PCDH15: variants seen among roughly 807,000 people sequenced by gnomAD.
PCDH15 encodes the protein protocadherin related 15.
Under a neutral mutation model 178.5 loss-of-function variants are expected in PCDH15, and 129 were observed. The observed-to-expected ratio is 0.72, with a 90% CI of 0.63 to 0.84. The LOEUF (loss-of-function observed/expected upper bound fraction) is 0.84, where lower values mean the gene tolerates loss of function less well. PCDH15 is among the 40% of genes least tolerant of loss of function. PCDH15 has a pLI of 0.00. For synonymous variants in PCDH15, 800 were observed against 732.0 expected (o/e 1.09, Z -1.50); for missense variants, 2,230 against 2,099.9 (o/e 1.06, Z -1.21).
At chr10:54,194,550 T>G (rs1295252659) in intron 11 of PCDH15, among the ~76,000 whole-genome samples, 4 of 152,026 alleles carry the variant, frequency 2.6e-5, no homozygotes, top group Non-Finnish European at 4.4e-5. Context: ...CCAACTATCT[T>G]TTACATATAG....
intron 13 of PCDH15, among the ~76,000 whole-genome samples, chr10:54,179,327 C>A (rs1447204632): frequency 6.7e-6 from 1 of 149,944 alleles, no homozygotes. Flanking sequence ...GGACAAAAAA[C>A]CAAACACCGC....
intron 3 of PCDH15, among the ~76,000 whole-genome samples, chr10:54,503,793 C>T (rs1020874921): frequency 6.6e-6 from 1 of 152,052 alleles, no homozygotes; most frequent in African/African-American, 2.4e-5. Context: ...TTAGATTGTT[C>T]TTTCAACACT....
At chr10:53,918,513 C>T (rs371746922) in intron 25 of PCDH15, among the ~76,000 whole-genome samples, 5 of 152,208 alleles carry the variant, frequency 3.3e-5, no homozygotes, top group South Asian at 4.2e-4. Flanking sequence ...TAAAACGATA[C>T]GTCTATTTCA....
chr10:54,726,221 C>G (rs1485495079), intron 1 of PCDH15, among the ~76,000 whole-genome samples: 2 of 151,150 alleles, frequency 1.3e-5, no homozygotes, highest in Non-Finnish European at 3.0e-5. Context: ...AGTATGATCT[C>G]AAATATACTT....
In PCDH15 at chr10:54,329,682, G is replaced by T. The variant is rs776708410; in HGVS notation, c.619C>A (p.Pro207Thr). The T allele has an allele frequency of 1.2e-6, 2 of 1,603,304 alleles. No homozygotes were observed. The highest frequency in any genetic ancestry group is 1.1e-5 in the South Asian group (1 of 90,872). ...DPTSNDTFEI[P>T]LMLTGNIVLR... Reference sequence around the variant, plus strand: ...ACTATATTTCCAGTCAACATTAGGGGAATTTCAAAGGTGTCATTGGATGTC... The same window carrying T: ...ACTATATTTCCAGTCAACATTAGGGTAATTTCAAAGGTGTCATTGGATGTC... The change falls in exon 7 of 38, where the codon CCC (proline) becomes ACC (threonine). Residue 207 changes from proline to threonine, a missense_variant. Coordinates refer to ENST00000644397, the MANE Select transcript of PCDH15 (RefSeq NM_001384140.1).
At chr10:54,970,389 A>G (rs1838902077) in intron 2 of PCDH15, among the ~76,000 whole-genome samples, 2 of 152,208 alleles carry the variant, frequency 1.3e-5, no homozygotes, top group Non-Finnish European at 2.9e-5. Flanking sequence ...AGGTTGAACC[A>G]TAAAGTGCTA....
At chr10:54,653,644 G>A (rs11004434) in intron 2 of PCDH15, among the ~76,000 whole-genome samples, 26,079 of 152,080 alleles carry the variant, frequency 0.17, 2,461 homozygotes, top group African/African-American at 0.25. Context: ...AACCTTGTGC[G>A]ATTGGGGTCA....
At chr10:55,367,140 T>A (rs2131985121) in intron 2 of PCDH15, among the ~76,000 whole-genome samples, 1 of 152,186 alleles carries the variant, frequency 6.6e-6, no homozygotes, top group Non-Finnish European at 1.5e-5. Context: ...TCCTTCCCTC[T>A]CCCATATTTT....
chr10:54,684,717 G>A (rs1477304921), intron 1 of PCDH15, among the ~76,000 whole-genome samples: 1 of 152,008 alleles, frequency 6.6e-6, no homozygotes, highest in Non-Finnish European at 1.5e-5. Context: ...ATTTAAATCA[G>A]ATTTTCAAAG....
At chr10:54,907,877 A>G (rs1284773184) in intron 2 of PCDH15, among the ~76,000 whole-genome samples, 1 of 152,200 alleles carries the variant, frequency 6.6e-6, no homozygotes, top group African/African-American at 2.4e-5. Context: ...TCTCAATAAA[A>G]GACTGGACAA....
chr10:54,911,893 C>T (rs1954825188), intron 2 of PCDH15, among the ~76,000 whole-genome samples: 1 of 152,160 alleles, frequency 6.6e-6, no homozygotes. Context: ...TCAATTAAAC[C>T]TCTTTTCTTC....
intron 3 of PCDH15, among the ~76,000 whole-genome samples, chr10:54,861,297 G>A (rs1043119552): frequency 1.3e-5 from 2 of 152,054 alleles, no homozygotes; most frequent in African/African-American, 4.8e-5. Context: ...CATTACATCT[G>A]ATCCCCAGAA....
chr10:55,400,703 C>CT (rs963006591), intron 2 of PCDH15, among the ~76,000 whole-genome samples: 3 of 151,984 alleles, frequency 2.0e-5, no homozygotes, highest in Non-Finnish European at 2.9e-5. Flanking sequence ...ATTTAGTACC[C>CT]TTTTTTAATT....
rs149334956 is a variant in PCDH15, at chr10:53,895,095, G to A, written c.3501+8148C>T. On this transcript the variant is annotated intron_variant, in intron 26 of 37. Coordinates refer to ENST00000644397, the MANE Select transcript of PCDH15 (RefSeq NM_001384140.1). ...TACATTAAAAATTCAGAAATGTGCT[G>A]GAGATGTTTTACCTAAGACCCAGGT... 4.4e-3 allele frequency among the ~76,000 whole-genome samples: 673 copies of A among 152,232 alleles called. 4 individuals are homozygous for A. The highest frequency in any genetic ancestry group is 0.016 in the African/African-American group (646 of 41,540).
intron 2 of PCDH15, among the ~76,000 whole-genome samples, chr10:54,548,133 CCATAT>C (rs2086087101): frequency 6.9e-6 from 1 of 145,966 alleles, no homozygotes; most frequent in African/African-American, 2.5e-5. Context: ...CAAAAAAAAC[CCATAT>C]ATATATATGT....
intron 2 of PCDH15, among the ~76,000 whole-genome samples, chr10:55,075,148 GT>G (rs1205731518): frequency 6.6e-6 from 1 of 151,838 alleles, no homozygotes; most frequent in African/African-American, 2.4e-5. Context: ...TCTATTTCAG[GT>G]TTTCTATTTT....
At chr10:55,252,541 GT>G (rs965622492) in intron 1 of PCDH15, among the ~76,000 whole-genome samples, 60 of 151,868 alleles carry the variant, frequency 4.0e-4, no homozygotes, top group African/African-American at 1.4e-3. Context: ...GAAATCCAAA[GT>G]TTTTTTCCTA....
At chr10:55,327,653 A>T (rs150399935) in intron 2 of PCDH15, among the ~76,000 whole-genome samples, 1 of 152,214 alleles carries the variant, frequency 6.6e-6, no homozygotes, top group East Asian at 1.9e-4. Context: ...TGTCTGATAT[A>T]TTTAAATACT....
chr10:54,123,108 T>G (rs927976429), intron 15 of PCDH15, among the ~76,000 whole-genome samples: 1 of 152,122 alleles, frequency 6.6e-6, no homozygotes, highest in Non-Finnish European at 1.5e-5. Flanking sequence ...ACATCACCTT[T>G]GGCAAAGGAT....
Sources: gnomAD v4.1 joint callset for allele counts (sites outside exome capture counted in the v4.1 genomes callset) on GRCh38, gnomAD v4.1.1 for gene constraint, MANE v1.5 for transcripts, NCBI Gene and HGNC (gene_info 2026-07-23, HGNC 2026-07-21) for gene names.